FOXP1: variants seen among roughly 807,000 people sequenced by gnomAD.
FOXP1 encodes the protein forkhead box protein P1.
A neutral mutation model predicts 98.2 loss-of-function variants in FOXP1; 15 were observed. The ratio of observed to expected loss-of-function variants is 0.15; its 90% CI spans 0.10 to 0.24. The LOEUF (loss-of-function observed/expected upper bound fraction) is 0.24, where lower values mean the gene tolerates loss of function less well. FOXP1 is among the 10% of genes least tolerant of loss of function. The probability of loss-of-function intolerance (pLI) is 1.00; values close to 1 mark genes in which losing one functional copy is unlikely to be tolerated. For missense variants in FOXP1, 633 were observed against 848.5 expected (o/e 0.75, Z 3.15); for synonymous variants, 371 against 314.5 (o/e 1.18, Z -1.90).
intron 11 of FOXP1, among the ~76,000 whole-genome samples, chr3:71,039,094 G>A (rs1217596799): frequency 4.0e-5 from 6 of 151,758 alleles, no homozygotes; most frequent in Non-Finnish European, 2.9e-5. Context: ...ATCCAGCCAC[G>A]TTTAGGAACC....
intron 5 of FOXP1, among the ~76,000 whole-genome samples, chr3:71,223,198 G>A (rs1156607070): frequency 6.6e-6 from 1 of 152,274 alleles, no homozygotes; most frequent in East Asian, 1.9e-4. Context: ...CAGGTCTCCT[G>A]TATAATTTCC....
In FOXP1 at chr3:70,972,260, A is replaced by G; in HGVS notation, c.1652+295T>C. 4 of 1,249,074 alleles carry G rather than the reference A, an allele frequency of 3.2e-6. No individual in the cohort carries two copies. In the South Asian group the frequency reaches 6.0e-5, roughly 19 times the overall value. 77.4% of individuals were successfully genotyped at this position (1,249,074 alleles called of 1,614,324 possible). On this transcript the variant is annotated intron_variant, in intron 18 of 20. Coordinates refer to ENST00000649528, the MANE Select transcript of FOXP1 (RefSeq NM_001349338.3). ...TGGGGGCAGAACAGACATCCAATAC[A>G]GGGAACAGGAAAAAGAAAATAAAAT... is the stretch of plus-strand genomic sequence containing the variant.
At chr3:71,404,651 A>C (rs2082192078) in intron 3 of FOXP1, among the ~76,000 whole-genome samples, 1 of 152,152 alleles carries the variant, frequency 6.6e-6, no homozygotes, top group Non-Finnish European at 1.5e-5. Flanking sequence ...TTTGCTTGGA[A>C]TATTGTTCCA....
At chr3:71,066,993 A>G (rs567138609) in intron 7 of FOXP1, among the ~76,000 whole-genome samples, 2 of 152,324 alleles carry the variant, frequency 1.3e-5, no homozygotes, top group Admixed American at 6.5e-5. Context: ...ACTAAATTGC[A>G]CGGTGGTGGC....
chr3:71,382,221 G>C (rs564001538), intron 3 of FOXP1, among the ~76,000 whole-genome samples: 1 of 152,160 alleles, frequency 6.6e-6, no homozygotes, highest in East Asian at 1.9e-4. Flanking sequence ...GCAGCACTGA[G>C]CCATGATGGC....
chr3:71,436,359 T>C (rs1337293580), intron 3 of FOXP1, among the ~76,000 whole-genome samples: 1 of 152,154 alleles, frequency 6.6e-6, no homozygotes, highest in Non-Finnish European at 1.5e-5. Flanking sequence ...ATTTTCACCA[T>C]AGCATAGTTA....
intron 5 of FOXP1, among the ~76,000 whole-genome samples, chr3:71,236,962 G>GGT (rs1217694077): frequency 6.6e-6 from 1 of 151,172 alleles, no homozygotes; most frequent in Non-Finnish European, 1.5e-5. Context: ...GGCCAGGTGC[G>GGT]GTGGCTCATG....
chr3:71,538,154 G>A lies in FOXP1; in HGVS notation c.-298+43395C>T, dbSNP rs1295932315. Among the ~76,000 whole-genome samples the A allele has an allele frequency of 3.9e-5, 6 of 152,198 alleles. No homozygotes were observed. In the East Asian group the frequency reaches 5.8e-4, roughly 15 times the overall value. On this transcript the variant is annotated intron_variant, in intron 2 of 20. Transcript: ENST00000649528. ...ACAAGTAAAGAAATGCAGACAGATC[G>A]TGAAATCTTTTTATTAAGATACAAT... is the stretch of plus-strand genomic sequence containing the variant.
At chr3:71,028,587 G>C (rs1233137003) in intron 11 of FOXP1, among the ~76,000 whole-genome samples, 1 of 152,172 alleles carries the variant, frequency 6.6e-6, no homozygotes, top group East Asian at 1.9e-4. Flanking sequence ...AGAAGTGCTC[G>C]CCAACCTTTT....
chr3:71,579,950 T>C (rs1314722263), intron 2 of FOXP1, among the ~76,000 whole-genome samples: 1 of 152,128 alleles, frequency 6.6e-6, no homozygotes, highest in Non-Finnish European at 1.5e-5. Flanking sequence ...GGCTGAGTAT[T>C]TCCTTCCAAG....
intron 6 of FOXP1, among the ~76,000 whole-genome samples, chr3:71,125,736 G>A (rs1290163999): frequency 1.3e-5 from 2 of 152,156 alleles, no homozygotes; most frequent in African/African-American, 4.8e-5. Context: ...TGGGAATATG[G>A]GGGAATTACT....
chr3:71,581,910 A>C (rs2048203667), intron 1 of FOXP1: 1 of 984,982 alleles, frequency 1.0e-6, no homozygotes, highest in Non-Finnish European at 1.2e-6. Context: ...GGCCCGAGCC[A>C]AAGTCTCAGC....
intron 3 of FOXP1, among the ~76,000 whole-genome samples, chr3:71,432,747 T>C (rs910279711): frequency 6.6e-6 from 1 of 151,708 alleles, no homozygotes; most frequent in Non-Finnish European, 1.5e-5. Flanking sequence ...ACTCAGCATT[T>C]ACAGCATTTA....
chr3:71,534,351 T>C (rs2044114747), intron 2 of FOXP1, among the ~76,000 whole-genome samples: 1 of 151,944 alleles, frequency 6.6e-6, no homozygotes, highest in African/African-American at 2.4e-5. Context: ...GCAAAAACTC[T>C]GTCAAAAACA....
intron 6 of FOXP1, among the ~76,000 whole-genome samples, chr3:71,133,837 GTTT>G (rs914997053): frequency 7.1e-6 from 1 of 139,964 alleles, no homozygotes; most frequent in Non-Finnish European, 1.6e-5. Context: ...TGTGTGTGAT[GTTT>G]TTTTTTCACT....
chr3:71,386,143 A>C (rs1056983498), intron 3 of FOXP1, among the ~76,000 whole-genome samples: 3 of 152,072 alleles, frequency 2.0e-5, no homozygotes, highest in African/African-American at 7.2e-5. Context: ...ATCTCATCAA[A>C]CACTCAACTG....
At chr3:70,982,691 T>A (rs2039060029) in intron 14 of FOXP1, among the ~76,000 whole-genome samples, 1 of 151,338 alleles carries the variant, frequency 6.6e-6, no homozygotes, top group African/African-American at 2.5e-5. Context: ...TTCTGCTTAG[T>A]CCCTTTTTTT....
intron 5 of FOXP1, among the ~76,000 whole-genome samples, chr3:71,275,859 T>G (rs868646447): frequency 2.6e-5 from 4 of 152,216 alleles, no homozygotes; most frequent in South Asian, 2.1e-4. Flanking sequence ...TTGTTTTGTT[T>G]TGTTGTGTTT....
intron 7 of FOXP1, among the ~76,000 whole-genome samples, chr3:71,067,986 T>A (rs2052750547): frequency 9.3e-6 from 1 of 107,254 alleles, no homozygotes; most frequent in Non-Finnish European, 1.7e-5. Context: ...TACTGGATAA[T>A]TATAAAAAAA....
Sources: gnomAD v4.1 joint callset for allele counts (sites outside exome capture counted in the v4.1 genomes callset) on GRCh38, gnomAD v4.1.1 for gene constraint, MANE v1.5 for transcripts, NCBI Gene and HGNC (gene_info 2026-07-23, HGNC 2026-07-21) for gene names.